The following UBE2F variants were observed in gnomAD, a reference collection of about 807,000 sequenced individuals.
The protein encoded by UBE2F is ubiquitin conjugating enzyme E2 F (putative).
Under a neutral mutation model 29.6 loss-of-function variants are expected in UBE2F, and 5 were observed. The observed-to-expected ratio is 0.17, with a 90% CI of 0.09 to 0.36. The LOEUF is 0.36. Among genes scored for constraint, UBE2F ranks in the 10% least tolerant of loss-of-function variants. The probability of loss-of-function intolerance (pLI) is 1.00; values close to 1 mark genes in which losing one functional copy is unlikely to be tolerated. For missense variants in UBE2F, 141 were observed against 228.5 expected (o/e 0.62, Z 2.47); for synonymous variants, 66 against 81.8 (o/e 0.81, Z 1.04).
intron 2 of UBE2F, among the ~76,000 whole-genome samples, chr2:237,978,191 G>T (rs952805428): frequency 2.6e-5 from 4 of 152,196 alleles, no homozygotes; most frequent in African/African-American, 9.6e-5. Context: ...TGGAGTGCAG[G>T]TCTGTGCAGC....
At position 237,999,087 on chromosome 2, in the gene UBE2F, TA is replaced by T. The variant is rs146609766; in HGVS notation, c.214+4279del. ...GAGGAATTTCTTTTATTTATTTATT[TA>T]TTTTTTTTTTTTGAGACAGAGTCTC... is the stretch of plus-strand genomic sequence containing the variant. On this transcript the variant is annotated intron_variant, in intron 4 of 9. Coordinates refer to ENST00000272930, the MANE Select transcript of UBE2F (RefSeq NM_080678.3). 2.6e-4 allele frequency among the ~76,000 whole-genome samples: 39 copies of T among 151,836 alleles called. 2 individuals carry two copies. The highest frequency in any genetic ancestry group is 6.0e-4 in the African/African-American group (25 of 41,332).
intron 4 of UBE2F, among the ~76,000 whole-genome samples, chr2:238,004,918 C>A (rs2063869548): frequency 6.6e-6 from 1 of 152,132 alleles, no homozygotes; most frequent in Non-Finnish European, 1.5e-5. Context: ...GCCCATGAGC[C>A]CTGGATGCTG....
intron 1 of UBE2F, among the ~76,000 whole-genome samples, chr2:237,969,847 T>G (rs1399756301): frequency 6.6e-6 from 1 of 152,182 alleles, no homozygotes. Flanking sequence ...GTGAAGTAAC[T>G]TCATCAGCTG....
rs767827975 is a variant in UBE2F at position 238,030,545 on chromosome 2, G to C, written c.354-11G>C. 6.8e-6 allele frequency: 11 copies of C among 1,611,630 alleles called. No individual in the cohort carries two copies. Among genetic ancestry groups the C allele is most frequent in the African/African-American group, 1.3e-5 (1 of 74,840 alleles). Reference sequence around the variant, plus strand: ...GCTCCTCACTAACCACTGTGTGTTTGTCTTTTTCAGTTTATTGAGAGAACA... The same window carrying C: ...GCTCCTCACTAACCACTGTGTGTTTCTCTTTTTCAGTTTATTGAGAGAACA... On this transcript the variant is annotated splice_polypyrimidine_tract_variant and intron_variant, in intron 6 of 9. Transcript: ENST00000272930.
intron 2 of UBE2F, among the ~76,000 whole-genome samples, chr2:237,980,027 T>G (rs1477393161): frequency 5.9e-5 from 9 of 152,230 alleles, no homozygotes; most frequent in Admixed American, 5.2e-4. Context: ...CTGTGAGGCA[T>G]GCAGAAAAGG....
intron 2 of UBE2F, among the ~76,000 whole-genome samples, chr2:237,981,768 A>G (rs1007186104): frequency 2.0e-5 from 3 of 151,856 alleles, no homozygotes; most frequent in African/African-American, 4.8e-5. Flanking sequence ...CTGGGAGTAC[A>G]GGTGCATGCC....
At chr2:237,978,933 C>T (rs10187736) in intron 2 of UBE2F, among the ~76,000 whole-genome samples, 130,746 of 152,206 alleles carry the variant, frequency 0.86, 56,308 homozygotes, top group East Asian at 0.97. Context: ...TGCTTTCTTA[C>T]CTGTCTGAAG....
At chr2:237,987,549 G>A (rs1400350086) in intron 2 of UBE2F, among the ~76,000 whole-genome samples, 1 of 152,144 alleles carries the variant, frequency 6.6e-6, no homozygotes, top group African/African-American at 2.4e-5. Context: ...CTGGGGCCAA[G>A]AAATGCAGCT....
chr2:237,990,495 T>C (rs749409670), intron 3 of UBE2F: 2 of 412,658 alleles, frequency 4.8e-6, no homozygotes, highest in South Asian at 3.5e-5. Flanking sequence ...CTCAACCTCC[T>C]GGGCTCAAGT....
chr2:238,005,499 T>C (rs553535251), intron 4 of UBE2F, among the ~76,000 whole-genome samples: 2 of 152,202 alleles, frequency 1.3e-5, no homozygotes, highest in South Asian at 4.1e-4. Context: ...CCCGGCCTTA[T>C]TTTTTTAAAA....
chr2:237,973,801 C>G lies in UBE2F; in HGVS notation c.118+576C>G, dbSNP rs571539406. 127 of 758,624 alleles carry G rather than the reference C, an allele frequency of 1.7e-4. No homozygotes were observed. The African/African-American group carries it at 2.3e-3, about 14-fold the overall frequency. The allele number at this position is 758,624 out of a possible 1,614,324, so 47.0% of individuals were successfully genotyped here. A position where few individuals can be genotyped will look rare whatever the true frequency, so the allele number is the denominator to read the frequency against. ...GGTTGGTAAAATGTATGAGAGTATG[C>G]GTGCATGCAGATATGCATTCATTTG... On this transcript the variant is annotated intron_variant, in intron 2 of 9. Transcript: ENST00000272930.
chr2:237,994,943 A>G, intron 4 of UBE2F, 134 bp downstream of exon 4: 1 of 672,096 alleles, frequency 1.5e-6, no homozygotes. Flanking sequence ...TCATATGAAG[A>G]TAAGATATAT....
At chr2:237,993,436 G>T (rs1387221471) in intron 3 of UBE2F, among the ~76,000 whole-genome samples, 1 of 152,168 alleles carries the variant, frequency 6.6e-6, no homozygotes, top group Non-Finnish European at 1.5e-5. Context: ...GCATAGGCCT[G>T]GTGTGGTGGC....
chr2:238,037,210 T>G (rs1222777257), intron 9 of UBE2F, among the ~76,000 whole-genome samples: 2 of 152,230 alleles, frequency 1.3e-5, no homozygotes, highest in Non-Finnish European at 2.9e-5. Context: ...GAAGACCGTT[T>G]ACCTAGAAAC....
intron 2 of UBE2F, among the ~76,000 whole-genome samples, chr2:237,985,885 T>G (rs1290392251): frequency 6.6e-6 from 1 of 152,000 alleles, no homozygotes; most frequent in African/African-American, 2.4e-5. Context: ...GCAGCCATTC[T>G]AACAGGTGTG....
intron 1 of UBE2F, among the ~76,000 whole-genome samples, chr2:237,970,289 C>G (rs2063148651): frequency 6.6e-6 from 1 of 152,188 alleles, no homozygotes; most frequent in Admixed American, 6.5e-5. Context: ...GTGGGAGGAT[C>G]TCTTGAACCT....
At chr2:237,987,856 T>G in intron 2 of UBE2F, 107 bp from the exon 3 acceptor site, 1 of 588,284 alleles carries the variant, frequency 1.7e-6, no homozygotes, top group Non-Finnish European at 2.9e-6. Flanking sequence ...TTCATCCTTT[T>G]TTTTTTTTTT....
At chr2:237,968,898 A>G in intron 1 of UBE2F, 2 of 959,502 alleles carry the variant, frequency 2.1e-6, no homozygotes, top group Non-Finnish European at 2.5e-6. Flanking sequence ...AAGAATTCTG[A>G]AGCAACTGCA....
At chr2:237,970,001 G>A (rs971756578) in intron 1 of UBE2F, among the ~76,000 whole-genome samples, 4 of 152,148 alleles carry the variant, frequency 2.6e-5, no homozygotes, top group African/African-American at 9.7e-5. Context: ...AGGCGTAATT[G>A]AAATACACTA....
Sources: allele counts gnomAD v4.1 joint callset (sites outside exome capture counted in the v4.1 genomes callset), GRCh38; gene constraint gnomAD v4.1.1; transcripts MANE v1.5; gene names NCBI Gene and HGNC (gene_info 2026-07-23, HGNC 2026-07-21).